The following DZIP3 variants were observed in gnomAD, a reference collection of about 807,000 sequenced individuals.
The protein encoded by DZIP3 is E3 ubiquitin-protein ligase DZIP3.
DZIP3 carries 118 observed loss-of-function variants against 162.0 expected under a neutral mutation model. The ratio of observed to expected loss-of-function variants is 0.73; its 90% CI spans 0.63 to 0.85. The LOEUF (loss-of-function observed/expected upper bound fraction) is 0.85. DZIP3 is among the 40% of genes least tolerant of loss of function. The pLI is 0.00. For synonymous variants in DZIP3, 438 were observed against 458.6 expected (o/e 0.96, Z 0.57); for missense variants, 1,331 against 1,407.0 (o/e 0.95, Z 0.86).
intron 24 of DZIP3, among the ~76,000 whole-genome samples, chr3:108,675,562 T>A (rs757753885): frequency 3.0e-4 from 46 of 152,084 alleles, no homozygotes; most frequent in Non-Finnish European, 5.7e-4. Context: ...TCTGGAAGCA[T>A]CAATTTTATT....
intron 20 of DZIP3, 40 bp downstream of exon 20, chr3:108,662,012 T>C (rs2107300719): frequency 6.3e-7 from 1 of 1,594,928 alleles, no homozygotes; most frequent in Non-Finnish European, 8.6e-7. Context: ...AAGTGAGAAG[T>C]ATTTCAAATA....
At position 108,636,720 on chromosome 3, in the gene DZIP3, G is replaced by A. The variant is rs1942164232; in HGVS notation, c.1011+12G>A. 7.0e-7 allele frequency: 1 copy of A among 1,431,886 alleles called. No homozygotes were observed. Among genetic ancestry groups the A allele is most frequent in the Non-Finnish European group, 9.1e-7 (1 of 1,095,984 alleles). The allele number at this position is 1,431,886 out of a possible 1,614,324, so 88.7% of individuals were successfully genotyped here. A position where few individuals can be genotyped will look rare whatever the true frequency, so the allele number is the denominator to read the frequency against. Reference sequence around the variant, plus strand: ...TTGTTAAAATTTTGGTGAGTATCTTGTTTTGTCCTTTTTTTTTTTTCTTGC... The same window carrying A: ...TTGTTAAAATTTTGGTGAGTATCTTATTTTGTCCTTTTTTTTTTTTCTTGC... On this transcript the variant is annotated intron_variant, in intron 11 of 32. Coordinates refer to ENST00000361582, the MANE Select transcript of DZIP3 (RefSeq NM_014648.4).
In DZIP3 at chr3:108,611,177, A is replaced by T; in HGVS notation, c.106A>T (p.Lys36Ter). 1 of 1,585,604 alleles carries T rather than the reference A, an allele frequency of 6.3e-7. No homozygotes were observed. Among genetic ancestry groups the T allele is most frequent in the South Asian group, 1.2e-5 (1 of 85,416 alleles). ...TTTAATCAATAATGTCTTCTAGAAC[A>T]AACAGGAAAATGACATACCTACTGA... ...KLEKSSGQLNKQENDIPTDLV... is the reference protein window; with the variant it reads ...KLEKSSGQLN Residue 36 changes from lysine to a stop codon, truncating the protein, a stop_gained, in exon 4 of 33, where the codon AAA becomes TAA. Transcript: ENST00000361582. LOFTEE classifies it high-confidence loss of function.
chr3:108,601,594 G>C (rs1320925073), intron 1 of DZIP3, among the ~76,000 whole-genome samples: 1 of 152,136 alleles, frequency 6.6e-6, no homozygotes, highest in Non-Finnish European at 1.5e-5. Flanking sequence ...TGCTAGAGTT[G>C]ACAAGGGAGG....
intron 1 of DZIP3, among the ~76,000 whole-genome samples, chr3:108,598,666 C>G (rs537320150): frequency 6.6e-6 from 1 of 152,178 alleles, no homozygotes; most frequent in Non-Finnish European, 1.5e-5. Context: ...TATTCCCATT[C>G]CCTATTTGAT....
chr3:108,603,997 G>C (rs1940181928), intron 1 of DZIP3, among the ~76,000 whole-genome samples: 1 of 151,992 alleles, frequency 6.6e-6, no homozygotes, highest in African/African-American at 2.4e-5. Flanking sequence ...GGTGGGGGAG[G>C]GGCAGGATAT....
At chr3:108,596,453 C>T (rs1240363364) in intron 1 of DZIP3, among the ~76,000 whole-genome samples, 2 of 152,144 alleles carry the variant, frequency 1.3e-5, no homozygotes, top group Non-Finnish European at 2.9e-5. Flanking sequence ...GGACTGAACT[C>T]CCTGATATTT....
chr3:108,688,726 C>G lies in DZIP3; in HGVS notation c.3404C>G (p.Ala1135Gly), dbSNP rs1412177038. ...TSQGPATWEGASNPDEEEEEE... is the reference protein window; with the variant it reads ...TSQGPATWEGGSNPDEEEEEE... The stretch of plus-strand genomic sequence containing the variant: ...CAGGGTCCTGCCACATGGGAAGGAG[C>G]CAGTAATCCAGTGAGACTGAAATTT... The change falls in exon 30 of 33, where the codon GCC becomes GGC. Residue 1135 changes from alanine to glycine, a missense_variant. By Grantham distance (60) the Ala-to-Gly change is moderately conservative. Around this residue, in one of 2 missense-constraint regions of DZIP3, gnomAD observed 1,278 missense variants for 1,317.1 expected, o/e 0.97. Coordinates refer to ENST00000361582, the MANE Select transcript of DZIP3 (RefSeq NM_014648.4). 2.5e-6 allele frequency: 4 copies of G among 1,613,712 alleles called. No individual in the cohort carries two copies. In the African/African-American group the frequency reaches 5.3e-5, roughly 22 times the overall value.
chr3:108,626,320 A>G (rs139826508), intron 7 of DZIP3, among the ~76,000 whole-genome samples: 13 of 152,334 alleles, frequency 8.5e-5, no homozygotes, highest in Admixed American at 2.6e-4. Flanking sequence ...ATAATAGTGT[A>G]GGGTTCACTT....
rs114696244 is a variant in DZIP3, at chr3:108,641,811, C to G, written c.1065-627C>G. 3.1e-3 allele frequency among the ~76,000 whole-genome samples: 475 copies of G among 152,266 alleles called. 2 individuals carry two copies. The highest frequency in any genetic ancestry group is 0.011 in the African/African-American group (455 of 41,552). On this transcript the variant is annotated intron_variant, in intron 12 of 32. Transcript: ENST00000361582. Reference sequence around the variant, plus strand: ...TAACAACCACCACCAAAATCCCTTTCCTCATTAAGCTTACATTGTAGCGTT... The same window carrying G: ...TAACAACCACCACCAAAATCCCTTTGCTCATTAAGCTTACATTGTAGCGTT...
intron 7 of DZIP3, 42 bp from the exon 8 acceptor site, chr3:108,629,020 A>G: frequency 7.8e-7 from 1 of 1,290,102 alleles, no homozygotes; most frequent in Non-Finnish European, 1.1e-6. Flanking sequence ...ATGCATCTAC[A>G]CAGTCCCGTT....
chr3:108,680,008 A>G (rs1944246772), intron 26 of DZIP3, among the ~76,000 whole-genome samples: 3 of 152,250 alleles, frequency 2.0e-5, no homozygotes, highest in African/African-American at 7.2e-5. Flanking sequence ...ATCAGTAAAT[A>G]TGATACATCA....
intron 5 of DZIP3, among the ~76,000 whole-genome samples, chr3:108,619,912 A>C (rs1025003825): frequency 6.6e-6 from 1 of 151,958 alleles, no homozygotes; most frequent in African/African-American, 2.4e-5. Context: ...TAAAAAAAAA[A>C]AAACAGGAAA....
At chr3:108,608,034 T>A in intron 2 of DZIP3, 55 bp from the exon 3 acceptor site, 6 of 1,407,908 alleles carry the variant, frequency 4.3e-6, no homozygotes, top group Non-Finnish European at 6.0e-6. Flanking sequence ...ACTACTACAA[T>A]TTGTGTTCTT....
At chr3:108,688,513 A>T in intron 29 of DZIP3, 80 bp from the exon 30 acceptor site, 1 of 1,453,626 alleles carries the variant, frequency 6.9e-7, no homozygotes, top group Non-Finnish European at 9.4e-7. Context: ...TTCTTACTAT[A>T]CCCCGTTCTG....
In DZIP3 at chr3:108,686,591, T is replaced by C. The variant is rs776083995; in HGVS notation, c.3149+7T>C. 31 of 1,593,086 alleles carry C rather than the reference T, an allele frequency of 1.9e-5. No individual in the cohort carries two copies. On this transcript the variant is annotated splice_region_variant and intron_variant, in intron 28 of 32. Coordinates refer to ENST00000361582, the MANE Select transcript of DZIP3 (RefSeq NM_014648.4). ...CCTTTCCACAGCAAACCAGGTACCT[T>C]AGTTTTTATTTATTGGTGGGTACAG...
chr3:108,600,243 A>G (rs1035104981), intron 1 of DZIP3, among the ~76,000 whole-genome samples: 1 of 152,188 alleles, frequency 6.6e-6, no homozygotes, highest in African/African-American at 2.4e-5. Context: ...AGTACATTTA[A>G]TTCAATGTTG....
Position 108,677,581 on chromosome 3 carries a change from C to G in DZIP3, c.2866C>G (p.Pro956Ala). 3 of 1,612,308 alleles carry G rather than the reference C, an allele frequency of 1.9e-6. No individual in the cohort carries two copies. The South Asian group carries it at 3.3e-5, about 18-fold the overall frequency. ...LPPVQLPPPP[P>A]SPEILMQQFL... The stretch of plus-strand genomic sequence containing the variant: ...TCCAGTCCAGCTTCCTCCTCCACCA[C>G]CCAGTCCTGAGATACTGGTAAGAAA... Residue 956 changes from proline to alanine, a missense_variant, in exon 26 of 33, where the codon CCC becomes GCC. Pro to Ala is a conservative substitution (Grantham distance 27). Transcript: ENST00000361582.
chr3:108,686,685 A>G (rs1380099572), intron 28 of DZIP3, 101 bp downstream of exon 28: 4 of 1,309,738 alleles, frequency 3.1e-6, no homozygotes, highest in East Asian at 5.4e-5. Flanking sequence ...TAACAAACAC[A>G]AAAAAAGTAC....
Sources: allele counts gnomAD v4.1 joint callset (sites outside exome capture counted in the v4.1 genomes callset), GRCh38; gene constraint gnomAD v4.1.1; regional missense constraint gnomAD v4.1.1; transcripts MANE v1.5; gene names NCBI Gene and HGNC (gene_info 2026-07-23, HGNC 2026-07-21).